The following LPA variants were observed in gnomAD, a reference collection of about 807,000 sequenced individuals.
The protein encoded by LPA is apolipoprotein(a).
A neutral mutation model predicts 197.9 loss-of-function variants in LPA; 199 were observed. The observed-to-expected ratio is 1.01, with a 90% confidence interval of 0.90 to 1.13. LPA has a LOEUF of 1.13. Ranked by LOEUF, LPA falls within the 50% of genes most tolerant of loss-of-function variation. LPA has a pLI of 0.00. For missense variants in LPA, 1,853 were observed against 1,785.8 expected (o/e 1.04, Z -0.68); for synonymous variants, 715 against 639.5 (o/e 1.12, Z -1.78).
chr6:160,573,525 G>T (rs956913566), intron 28 of LPA, among the ~76,000 whole-genome samples: 48 of 152,224 alleles, frequency 3.2e-4, no homozygotes, highest in African/African-American at 1.1e-3. Context: ...ACCAGGGTTG[G>T]TTTTCTGGTT....
At chr6:160,573,822 A>T (rs552074662) in intron 28 of LPA, among the ~76,000 whole-genome samples, 35 of 152,104 alleles carry the variant, frequency 2.3e-4, no homozygotes, top group African/African-American at 8.2e-4. Flanking sequence ...GTTCTGGTGG[A>T]GGTGGAGGAG....
At chr6:160,600,049 G>T (rs1229556835) in intron 19 of LPA, among the ~76,000 whole-genome samples, 16 of 152,158 alleles carry the variant, frequency 1.1e-4, no homozygotes, top group Admixed American at 1.0e-3. Flanking sequence ...CATTAAAATG[G>T]TTTTTTGGGG....
At chr6:160,661,892 A>G (rs1780233453) in intron 1 of LPA, among the ~76,000 whole-genome samples, 1 of 152,230 alleles carries the variant, frequency 6.6e-6, no homozygotes, top group African/African-American at 2.4e-5. Flanking sequence ...GAGTTCAGTT[A>G]AACATTTTGA....
rs41272096 is a variant in LPA at position 160,587,082 on chromosome 6, G to A, written c.3948-452C>T. ...ATTTGCTGATTTGTTATTTACCTAA[G>A]CAATCCATCCACATGATCTACATTC... On this transcript the variant is annotated intron_variant, in intron 24 of 38. Transcript: ENST00000316300. Among the ~76,000 whole-genome samples the A allele has an allele frequency of 3.7e-3, 568 of 152,230 alleles. 6 individuals carry two copies. Among genetic ancestry groups the A allele is most frequent in the African/African-American group, 0.013 (536 of 41,550 alleles).
intron 30 of LPA, among the ~76,000 whole-genome samples, chr6:160,551,331 G>A (rs1172065420): frequency 1.3e-5 from 2 of 152,116 alleles, no homozygotes; most frequent in African/African-American, 2.4e-5. Flanking sequence ...TTGGCTATGT[G>A]TACATCTATC....
intron 1 of LPA, among the ~76,000 whole-genome samples, chr6:160,650,950 G>A (rs12212507): frequency 0.031 from 4,771 of 152,196 alleles, 126 homozygotes; most frequent in Non-Finnish European, 0.055. Context: ...CTGGGCAATG[G>A]GGGGAGAAAA....
intron 8 of LPA, among the ~76,000 whole-genome samples, chr6:160,631,810 T>A (rs1483551675): frequency 6.6e-6 from 1 of 152,030 alleles, no homozygotes; most frequent in South Asian, 2.1e-4. Context: ...TTGTTTCTAT[T>A]CCAAACTCCC....
intron 25 of LPA, among the ~76,000 whole-genome samples, chr6:160,585,541 C>T (rs114831934): frequency 6.6e-6 from 1 of 151,976 alleles, no homozygotes; most frequent in Non-Finnish European, 1.5e-5. Context: ...GGCAGGAGAC[C>T]AGGGTGCCAT....
At chr6:160,593,817 G>A in intron 22 of LPA, 141 bp downstream of exon 22, 1 of 1,060,794 alleles carries the variant, frequency 9.4e-7, no homozygotes, top group Non-Finnish European at 1.4e-6. Context: ...CACTGTGCCT[G>A]AAGAAAGAAG....
Position 160,557,420 on chromosome 6 carries a change from C to T in LPA, c.4783G>A (p.Val1595Ile). 1.2e-6 allele frequency: 2 copies of T among 1,614,140 alleles called. No homozygotes were observed. Among genetic ancestry groups the T allele is most frequent in the Non-Finnish European group, 1.7e-6 (2 of 1,180,028 alleles). The change falls in exon 29 of 39, where the codon GTT becomes ATT. Residue 1595 changes from valine to isoleucine, a missense_variant. Val to Ile is a conservative substitution (Grantham distance 29). Around this residue, in one of 3 missense-constraint regions of LPA, gnomAD observed 1,737 missense variants for 1,504.4 expected, o/e 1.15. Coordinates refer to ENST00000316300, the MANE Select transcript of LPA (RefSeq NM_005577.4). ...TCAGAATGAGCCTCCATGCTTGGAACTGGAACAACAGTGGGAGTCTCTAGG... is the reference window on the plus strand; with the variant it reads ...TCAGAATGAGCCTCCATGCTTGGAATTGGAACAACAGTGGGAGTCTCTAGG... ...GVLETPTVVP[V>I]PSMEAHSEAA... is the part of the protein sequence containing the mutation.
At chr6:160,654,332 T>C (rs1379571601) in intron 1 of LPA, among the ~76,000 whole-genome samples, 1 of 149,734 alleles carries the variant, frequency 6.7e-6, no homozygotes, top group African/African-American at 2.4e-5. Flanking sequence ...CTCCCTGCTT[T>C]ACAATCTGGC....
At chr6:160,546,690 C>T (rs964089628) in intron 32 of LPA, among the ~76,000 whole-genome samples, 24 of 152,178 alleles carry the variant, frequency 1.6e-4, no homozygotes, top group African/African-American at 4.6e-4. Context: ...GTGTCAGGAC[C>T]GAGTTACATT....
chr6:160,595,486 A>G lies in LPA; in HGVS notation c.3337T>C (p.Trp1113Arg). The stretch of plus-strand genomic sequence containing the variant: ...ACACTGGGATCCATGGTGTAACACC[A>G]AGGGCGAATCTCAGCATCTGGATTC... ...CRNPDAEIRPWCYTMDPSVRW... is the reference protein window; with the variant it reads ...CRNPDAEIRPRCYTMDPSVRW... The change falls in exon 21 of 39, where the codon TGG (tryptophan) becomes CGG (arginine). Residue 1113 changes from tryptophan to arginine, a missense_variant. By Grantham distance (101) the Trp-to-Arg change is moderately radical (BLOSUM62 -3). This residue lies in a region of LPA where 1,737 missense variants were observed against 1,504.4 expected (regional missense o/e 1.15). Transcript: ENST00000316300. 6.2e-7 allele frequency: 1 copy of G among 1,613,934 alleles called. No individual in the cohort carries two copies. Among genetic ancestry groups the G allele is most frequent in the African/African-American group, 1.3e-5 (1 of 75,012 alleles).
intron 1 of LPA, among the ~76,000 whole-genome samples, chr6:160,655,414 GC>G (rs1388599612): frequency 1.3e-5 from 2 of 152,224 alleles, no homozygotes; most frequent in African/African-American, 4.8e-5. Flanking sequence ...TGGCAGAGCA[GC>G]TTTCACAGCA....
At chr6:160,654,033 TATTATATATAATATATAATATATTATA>T (rs1780073597) in intron 1 of LPA, among the ~76,000 whole-genome samples, 2 of 16,714 alleles carry the variant, frequency 1.2e-4, no homozygotes, top group Non-Finnish European at 1.8e-4. Flanking sequence ...ATATAATATA[TATTATATATAATATATAATATATTATA>T]TATATTATAT....
chr6:160,560,286 A>G (rs1450628882), intron 28 of LPA, among the ~76,000 whole-genome samples: 1 of 152,176 alleles, frequency 6.6e-6, no homozygotes, highest in East Asian at 1.9e-4. Flanking sequence ...ATGATTTATA[A>G]TCCTTTGGGT....
chr6:160,587,695 A>G (rs1012997623), intron 24 of LPA, among the ~76,000 whole-genome samples: 1 of 150,626 alleles, frequency 6.6e-6, no homozygotes, highest in Non-Finnish European at 1.5e-5. Context: ...CATATATTAA[A>G]TGTGTGGATT....
intron 16 of LPA, among the ~76,000 whole-genome samples, chr6:160,608,084 G>T (rs1177687259): frequency 6.6e-6 from 1 of 152,040 alleles, no homozygotes; most frequent in African/African-American, 2.4e-5. Context: ...GTTTCCAGTA[G>T]TCAACGCTCA....
rs117016271 is a variant in LPA at position 160,651,478 on chromosome 6, C to A, written c.50-981G>T. Among the ~76,000 whole-genome samples, 530 of 152,320 alleles carry A rather than the reference C, an allele frequency of 3.5e-3. 8 individuals are homozygous for A. The East Asian group carries it at 0.036, about 10-fold the overall frequency. ...GCATTTAAGATAAAAGCAACAAGCA[C>A]AAATGCCAAATTCAGTTCAACCAGT... is the stretch of plus-strand genomic sequence containing the variant. On this transcript the variant is annotated intron_variant, in intron 1 of 38. Transcript: ENST00000316300.
Sources: allele counts gnomAD v4.1 joint callset (sites outside exome capture counted in the v4.1 genomes callset), GRCh38; gene constraint gnomAD v4.1.1; regional missense constraint gnomAD v4.1.1; transcripts MANE v1.5; gene names NCBI Gene and HGNC (gene_info 2026-07-23, HGNC 2026-07-21).